The following UBE2S variants were observed in gnomAD, a reference collection of about 807,000 sequenced individuals.
UBE2S encodes ubiquitin conjugating enzyme E2 S, also known as ubiquitin-conjugating enzyme E2 S.
Under a neutral mutation model 12.3 loss-of-function variants are expected in UBE2S, and 3 were observed. The ratio of observed to expected loss-of-function variants is 0.24; its 90% CI spans 0.11 to 0.63. The LOEUF (loss-of-function observed/expected upper bound fraction) is 0.63. Among genes scored for constraint, UBE2S ranks in the 30% least tolerant of loss-of-function variants. The pLI is 0.85. For synonymous variants in UBE2S, 133 were observed against 142.0 expected, an observed-to-expected ratio of 0.94 and a Z score of 0.45; for missense variants, 211 against 313.9, an observed-to-expected ratio of 0.67 and a Z score of 2.48.
At position 55,407,603 on chromosome 19, in the gene UBE2S, C is replaced by A. The variant is rs1568442716; in HGVS notation, c.-14G>T. 7.1e-7 allele frequency: 1 copy of A among 1,409,870 alleles called. No individual in the cohort carries two copies. Among genetic ancestry groups the A allele is most frequent in the South Asian group, 1.5e-5 (1 of 65,972 alleles). The allele number at this position is 1,409,870 out of a possible 1,614,324, so 87.3% of individuals were successfully genotyped here. A position where few individuals can be genotyped will look rare whatever the true frequency, so the allele number is the denominator to read the frequency against. ...CGTGCTCACCATGGCTGCGGCCGGCCGGGGGCGGGTCCCCCCGGCCCCCTT... is the reference window on the plus strand; with the variant it reads ...CGTGCTCACCATGGCTGCGGCCGGCAGGGGGCGGGTCCCCCCGGCCCCCTT... On this transcript the variant is annotated 5_prime_UTR_variant, in exon 1 of 4. Coordinates refer to ENST00000264552, the MANE Select transcript of UBE2S (RefSeq NM_014501.3).
chr19:55,406,723 G>A (rs1259989409), intron 2 of UBE2S, 92 bp downstream of exon 2: 1 of 1,489,544 alleles, frequency 6.7e-7, no homozygotes, highest in Non-Finnish European at 9.0e-7. Context: ...CACGAGGCCA[G>A]CCTGTAATGG....
At chr19:55,401,988 C>T (rs2090063070) in intron 3 of UBE2S, among the ~76,000 whole-genome samples, 1 of 152,242 alleles carries the variant, frequency 6.6e-6, no homozygotes, top group Non-Finnish European at 1.5e-5. Context: ...GACACGATGC[C>T]ATAGGCCCAA....
In UBE2S at chr19:55,407,754, C is replaced by T. The variant is rs1032453318; in HGVS notation, c.-165G>A. On this transcript the variant is annotated 5_prime_UTR_variant, in exon 1 of 4. Coordinates refer to ENST00000264552, the MANE Select transcript of UBE2S (RefSeq NM_014501.3). ...GACGTCCGCCGCGCACAGCGTAGAC[C>T]AACCCGCCGCCCCGGTGCCCGGCAG... 4.6e-6 allele frequency: 2 copies of T among 434,220 alleles called. No individual in the cohort carries two copies. Among genetic ancestry groups the T allele is most frequent in the Non-Finnish European group, 7.4e-6 (2 of 271,116 alleles). The allele number at this position is 434,220 out of a possible 1,614,324, so 26.9% of individuals were successfully genotyped here. A position where few individuals can be genotyped will look rare whatever the true frequency, so the allele number is the denominator to read the frequency against.
At chr19:55,405,818 TG>T (rs1302894315) in intron 2 of UBE2S, among the ~76,000 whole-genome samples, 1 of 152,200 alleles carries the variant, frequency 6.6e-6, no homozygotes, top group Non-Finnish European at 1.5e-5. Context: ...CTCACCCACT[TG>T]CTTGGGTCAA....
Position 55,404,361 on chromosome 19 carries a change from G to A in UBE2S, c.269C>T (p.Ala90Val). ...LTKIFHPNVG[A>V]NGEICVNVLK... is the part of the protein sequence containing the mutation. ...CACGTTGACGCAGATCTCGCCATTG[G>A]CGCCCACGTTCGGGTGGAAGATCTT... The change falls in exon 3 of 4, where the codon GCC (alanine) becomes GTC (valine). Residue 90 changes from alanine to valine, a missense_variant. Coordinates refer to ENST00000264552, the MANE Select transcript of UBE2S (RefSeq NM_014501.3). The surrounding 1 kb of genome is among the most constrained non-coding windows in gnomAD (Gnocchi z 4.4). 6.2e-7 allele frequency: 1 copy of A among 1,613,936 alleles called. No individual in the cohort carries two copies. Among genetic ancestry groups the A allele is most frequent in the Non-Finnish European group, 8.5e-7 (1 of 1,179,856 alleles).
intron 2 of UBE2S, among the ~76,000 whole-genome samples, chr19:55,405,661 C>A (rs939571353): frequency 6.6e-6 from 1 of 152,188 alleles, no homozygotes; most frequent in Admixed American, 6.5e-5. Context: ...CTCAGCCCAA[C>A]TGACCACTCC....
intron 1 of UBE2S, 90 bp downstream of exon 1, chr19:55,407,496 TC>T: frequency 7.0e-7 from 1 of 1,432,602 alleles, no homozygotes; most frequent in Non-Finnish European, 9.3e-7. Flanking sequence ...CTCAAACCCC[TC>T]AAGGCCGCCC....
Position 55,404,141 on chromosome 19 carries a change from A to T in UBE2S, c.342+147T>A. 1 of 1,083,276 alleles carries T rather than the reference A, an allele frequency of 9.2e-7. No homozygotes were observed. Among genetic ancestry groups the T allele is most frequent in the Non-Finnish European group, 1.3e-6 (1 of 755,196 alleles). The allele number at this position is 1,083,276 out of a possible 1,614,324, so 67.1% of individuals were successfully genotyped here. A position where few individuals can be genotyped will look rare whatever the true frequency, so the allele number is the denominator to read the frequency against. On this transcript the variant is annotated intron_variant, in intron 3 of 3. Transcript: ENST00000264552. The surrounding 1 kb of genome is among the most constrained non-coding windows in gnomAD (Gnocchi z 4.4). ...TGGGTCTGGCACTGTTTGTCTTTCCAGGAAAGCTAGCAACATGGATTTTTA... is the reference window on the plus strand; with the variant it reads ...TGGGTCTGGCACTGTTTGTCTTTCCTGGAAAGCTAGCAACATGGATTTTTA...
intron 2 of UBE2S, among the ~76,000 whole-genome samples, chr19:55,405,738 T>C (rs887187588): frequency 6.6e-6 from 1 of 152,196 alleles, no homozygotes; most frequent in African/African-American, 2.4e-5. Context: ...CCCATTTATA[T>C]GCCTTTCAGA....
intron 3 of UBE2S, among the ~76,000 whole-genome samples, chr19:55,402,421 C>T (rs1247590049): frequency 6.6e-6 from 1 of 152,204 alleles, no homozygotes; most frequent in Non-Finnish European, 1.5e-5. Context: ...AGATTCCTCT[C>T]AACCCCCTTC....
intron 3 of UBE2S, among the ~76,000 whole-genome samples, chr19:55,402,768 C>A (rs558691858): frequency 4.6e-5 from 7 of 152,264 alleles, no homozygotes; most frequent in Admixed American, 4.6e-4. Context: ...CCAGCAGCCT[C>A]CAATGACACC....
In UBE2S at chr19:55,404,236, G is replaced by C; in HGVS notation, c.342+52C>G. On this transcript the variant is annotated intron_variant, in intron 3 of 3. Coordinates refer to ENST00000264552, the MANE Select transcript of UBE2S (RefSeq NM_014501.3). This position sits in a 1 kb window ranked among gnomAD's most constrained non-coding sequence, Gnocchi z 4.4. The stretch of plus-strand genomic sequence containing the variant: ...ACAAAGCGCTATGGCTCAGACACCA[G>C]CAGACCTCCAGAGGCAGGAGGCAGG... The C allele has an allele frequency of 1.9e-6, 3 of 1,603,340 alleles. No homozygotes were observed. Among genetic ancestry groups the C allele is most frequent in the Non-Finnish European group, 2.6e-6 (3 of 1,172,198 alleles).
intron 2 of UBE2S, among the ~76,000 whole-genome samples, chr19:55,405,649 G>A (rs188106462): frequency 5.9e-5 from 9 of 152,184 alleles, no homozygotes; most frequent in South Asian, 2.1e-4. Context: ...TGGATCCCCC[G>A]TCTCAGCCCA....
At chr19:55,407,499 AG>A (rs2090104240) in intron 1 of UBE2S, 87 bp downstream of exon 1, 1 of 1,434,742 alleles carries the variant, frequency 7.0e-7, no homozygotes, top group Non-Finnish European at 9.3e-7. Flanking sequence ...AAACCCCTCA[AG>A]GCCGCCCGTC....
At chr19:55,406,116 G>A (rs998755266) in intron 2 of UBE2S, among the ~76,000 whole-genome samples, 4 of 152,134 alleles carry the variant, frequency 2.6e-5, no homozygotes, top group Non-Finnish European at 2.9e-5. Flanking sequence ...TTTACCAAGC[G>A]CCCAGCTCCA....
At chr19:55,402,886 C>G in intron 3 of UBE2S, 1 of 1,433,854 alleles carries the variant, frequency 7.0e-7, no homozygotes, top group Non-Finnish European at 9.3e-7. Context: ...TCCCCACCCT[C>G]TCTGCCATGT....
chr19:55,406,080 TTCA>T (rs1421759147), intron 2 of UBE2S, among the ~76,000 whole-genome samples: 1 of 152,204 alleles, frequency 6.6e-6, no homozygotes, highest in Non-Finnish European at 1.5e-5. Context: ...GCTTGGCAGC[TTCA>T]TCATCAACTT....
chr19:55,404,226 T>G lies in UBE2S; in HGVS notation c.342+62A>C. 1.3e-6 allele frequency: 2 copies of G among 1,599,442 alleles called. No homozygotes were observed. The highest frequency in any genetic ancestry group is 1.1e-5 in the South Asian group (1 of 90,524). On this transcript the variant is annotated intron_variant, in intron 3 of 3. Coordinates refer to ENST00000264552, the MANE Select transcript of UBE2S (RefSeq NM_014501.3). The surrounding 1 kb of genome is among the most constrained non-coding windows in gnomAD (Gnocchi z 4.4). ...GAAAAACTAAACAAAGCGCTATGGC[T>G]CAGACACCAGCAGACCTCCAGAGGC...
Position 55,401,123 on chromosome 19 carries a change from G to A in UBE2S, c.*313C>T, listed in dbSNP as rs2090054160. ...CGCTCTACCTCCACAGAACAAAGAGGTGGACCCAAACCTCAAACAGCAAGG... is the reference window on the plus strand; with the variant it reads ...CGCTCTACCTCCACAGAACAAAGAGATGGACCCAAACCTCAAACAGCAAGG... On this transcript the variant is annotated 3_prime_UTR_variant, in exon 4 of 4. Coordinates refer to ENST00000264552, the MANE Select transcript of UBE2S (RefSeq NM_014501.3). 1 of 439,908 alleles carries A rather than the reference G, an allele frequency of 2.3e-6. No individual in the cohort carries two copies. Among genetic ancestry groups the A allele is most frequent in the East Asian group, 4.3e-5 (1 of 23,064 alleles). 27.3% of individuals were successfully genotyped at this position (439,908 alleles called of 1,614,324 possible).
Sources: gnomAD v4.1 joint callset for allele counts (sites outside exome capture counted in the v4.1 genomes callset) on GRCh38, gnomAD v4.1.1 for gene constraint, Gnocchi (gnomAD v3.1) non-coding constraint, MANE v1.5 for transcripts, NCBI Gene and HGNC (gene_info 2026-07-23, HGNC 2026-07-21) for gene names.